SH3BGRL2: variants seen among roughly 807,000 people sequenced by gnomAD.
SH3BGRL2 encodes SH3 domain-binding glutamic acid-rich-like protein 2.
SH3BGRL2 carries 21 observed loss-of-function variants against 14.8 expected under a neutral mutation model. The observed-to-expected ratio is 1.42, with a 90% CI of 1.01 to 2.05. SH3BGRL2 has a LOEUF of 2.05. SH3BGRL2 is among the 30% of genes most tolerant of loss of function. The pLI, the probability that SH3BGRL2 is intolerant of heterozygous loss-of-function variation, is 0.00. For synonymous variants in SH3BGRL2, 50 were observed against 47.8 expected (o/e 1.05, Z -0.19); for missense variants, 147 against 130.8 (o/e 1.12, Z -0.61).
the SH3BGRL2 span, among the ~76,000 whole-genome samples, chr6:79,587,395 C>T: frequency 6.6e-6 from 1 of 152,030 alleles, no homozygotes; most frequent in African/African-American, 2.4e-5. Context: ...ACATTGAGTT[C>T]TGGTATCCCC....
chr6:79,675,057 G>T (rs950665565), intron 2 of SH3BGRL2, among the ~76,000 whole-genome samples: 2 of 152,142 alleles, frequency 1.3e-5, no homozygotes, highest in African/African-American at 4.8e-5. Context: ...GATATAAAAT[G>T]TACTCTTGTG....
At chr6:79,590,424 G>GAGATATATATATATATATATATATAT in the SH3BGRL2 span, among the ~76,000 whole-genome samples, 2 of 66,684 alleles carry the variant, frequency 3.0e-5, no homozygotes, top group Admixed American at 1.5e-4. Context: ...AAGAAAATGT[G>GAGATATATATATATATATATATATAT]ATATATATAT....
intron 1 of SH3BGRL2, among the ~76,000 whole-genome samples, chr6:79,652,160 A>G (rs1769309840): frequency 6.6e-6 from 1 of 152,168 alleles, no homozygotes; most frequent in African/African-American, 2.4e-5. Context: ...GATAGGAAGT[A>G]TGGACAATAT....
At chr6:79,598,971 C>T in the SH3BGRL2 span, among the ~76,000 whole-genome samples, 3,686 of 151,194 alleles carry the variant, frequency 0.024, 60 homozygotes, top group Middle Eastern at 0.071. Flanking sequence ...ATTGCAGCTA[C>T]TAGGGAGGCT....
chr6:79,683,149 T>C (rs1770022023), intron 2 of SH3BGRL2, among the ~76,000 whole-genome samples: 1 of 152,216 alleles, frequency 6.6e-6, no homozygotes, highest in African/African-American at 2.4e-5. Context: ...TATACCTATG[T>C]ATCAAACCTG....
chr6:79,548,726 A>G, the SH3BGRL2 span, among the ~76,000 whole-genome samples: 5 of 152,216 alleles, frequency 3.3e-5, no homozygotes, highest in African/African-American at 1.2e-4. Context: ...TGAAGGTAGT[A>G]TAAACTAGGA....
chr6:79,665,187 G>A (rs559101812), intron 1 of SH3BGRL2, among the ~76,000 whole-genome samples: 10 of 152,268 alleles, frequency 6.6e-5, no homozygotes, highest in African/African-American at 2.2e-4. Context: ...GCAACAGAGC[G>A]AGACTCCGTC....
At chr6:79,611,018 T>C in the SH3BGRL2 span, among the ~76,000 whole-genome samples, 10 of 152,352 alleles carry the variant, frequency 6.6e-5, no homozygotes, top group African/African-American at 2.2e-4. Context: ...CATGTAAAAG[T>C]AAGAAAGTTA....
At chr6:79,624,572 A>G in the SH3BGRL2 span, among the ~76,000 whole-genome samples, 1 of 151,962 alleles carries the variant, frequency 6.6e-6, no homozygotes, top group African/African-American at 2.4e-5. Flanking sequence ...CTGAATCCCC[A>G]GCATCTAGTA....
At chr6:79,643,236 T>C (rs527512924) in intron 1 of SH3BGRL2, among the ~76,000 whole-genome samples, 14 of 152,204 alleles carry the variant, frequency 9.2e-5, no homozygotes, top group Non-Finnish European at 1.5e-4. Flanking sequence ...AAAACCTAGA[T>C]TCAAACCCTT....
chr6:79,692,137 G>T (rs991365489), intron 2 of SH3BGRL2, among the ~76,000 whole-genome samples: 1 of 152,038 alleles, frequency 6.6e-6, no homozygotes, highest in African/African-American at 2.4e-5. Context: ...TGAGTTTTTT[G>T]GCTGCATAAA....
At chr6:79,547,055 G>A in the SH3BGRL2 span, among the ~76,000 whole-genome samples, 2 of 152,074 alleles carry the variant, frequency 1.3e-5, no homozygotes, top group African/African-American at 4.8e-5. Context: ...AGAGTTTCCC[G>A]TTGTTCATGA....
the SH3BGRL2 span, among the ~76,000 whole-genome samples, chr6:79,546,143 T>C: frequency 6.6e-6 from 1 of 152,168 alleles, no homozygotes; most frequent in African/African-American, 2.4e-5. Flanking sequence ...ACCAAAATTA[T>C]TGGGACTAGA....
intron 1 of SH3BGRL2, among the ~76,000 whole-genome samples, chr6:79,644,974 A>C (rs1021687461): frequency 1.3e-5 from 2 of 152,062 alleles, no homozygotes; most frequent in Admixed American, 6.5e-5. Flanking sequence ...AGCCTGGCCA[A>C]AGTGGTGAAA....
chr6:79,682,615 C>G (rs1252086341), intron 2 of SH3BGRL2, among the ~76,000 whole-genome samples: 1 of 152,222 alleles, frequency 6.6e-6, no homozygotes, highest in East Asian at 1.9e-4. Flanking sequence ...TTGGGTTTCT[C>G]AGTACCTGGG....
intron 2 of SH3BGRL2, among the ~76,000 whole-genome samples, chr6:79,691,427 C>T (rs1308352371): frequency 3.3e-5 from 5 of 149,652 alleles, no homozygotes; most frequent in Admixed American, 6.7e-5. Flanking sequence ...CATATGTATA[C>T]ATGTGCCATG....
chr6:79,656,107 T>C (rs1414029813), intron 1 of SH3BGRL2, among the ~76,000 whole-genome samples: 1 of 152,272 alleles, frequency 6.6e-6, no homozygotes, highest in Non-Finnish European at 1.5e-5. Flanking sequence ...AAATTCATTT[T>C]AGCTTTTCTG....
At chr6:79,690,164 T>A (rs1200105754) in intron 2 of SH3BGRL2, among the ~76,000 whole-genome samples, 2 of 151,930 alleles carry the variant, frequency 1.3e-5, no homozygotes, top group African/African-American at 4.8e-5. Flanking sequence ...GCTAATTTTT[T>A]AATATTTTTT....
At chr6:79,538,018 G>GTTTTTTTTTTTTTTTTTTTTT in the SH3BGRL2 span, among the ~76,000 whole-genome samples, 2 of 44,164 alleles carry the variant, frequency 4.5e-5, no homozygotes, top group Non-Finnish European at 8.5e-5. Context: ...TTGCACACAA[G>GTTTTTTTTTTTTTTTTTTTTT]TTTTTTTTTT....
Sources: allele counts gnomAD v4.1 joint callset (sites outside exome capture counted in the v4.1 genomes callset), GRCh38; gene constraint gnomAD v4.1.1; transcripts MANE v1.5; gene names NCBI Gene and HGNC (gene_info 2026-07-23, HGNC 2026-07-21).